The following KSR1 variants were observed in gnomAD, a reference collection of about 807,000 sequenced individuals.
KSR1 encodes kinase suppressor of ras 1, also known as kinase suppressor of ras.
KSR1 carries 35 observed loss-of-function variants against 92.9 expected under a neutral mutation model. That is an observed-to-expected ratio of 0.38 (90% CI 0.29 to 0.50). KSR1 has a LOEUF of 0.50. Ranked by LOEUF, KSR1 falls within the 20% of genes least tolerant of loss-of-function variation. The pLI is 0.94. For missense variants in KSR1, 972 were observed against 1,158.5 expected (o/e 0.84, Z 2.34); for synonymous variants, 467 against 472.6 (o/e 0.99, Z 0.15).
At chr17:27,581,820 C>T (rs1436513268) in intron 3 of KSR1, among the ~76,000 whole-genome samples, 1 of 152,166 alleles carries the variant, frequency 6.6e-6, no homozygotes, top group Non-Finnish European at 1.5e-5. Flanking sequence ...CACTACAGAG[C>T]CACACAAGCC....
intron 1 of KSR1, among the ~76,000 whole-genome samples, chr17:27,548,538 C>T (rs1598000772): frequency 1.3e-5 from 2 of 150,714 alleles, no homozygotes; most frequent in South Asian, 4.2e-4. Flanking sequence ...AGTGATCTGC[C>T]CACCTTAGCC....
chr17:27,579,878 CAAAAAA>C (rs71160198), intron 3 of KSR1: 11 of 29,614 alleles, frequency 3.7e-4, no homozygotes, highest in East Asian at 3.0e-3. Context: ...GCTGTCTCAC[CAAAAAA>C]AAAAAAAAAA....
chr17:27,519,952 G>A (rs1000532452), intron 1 of KSR1, among the ~76,000 whole-genome samples: 1 of 152,206 alleles, frequency 6.6e-6, no homozygotes, highest in African/African-American at 2.4e-5. Flanking sequence ...ACTGAACCTG[G>A]CAGGGCTGCT....
At chr17:27,515,195 A>G (rs1363791548) in intron 1 of KSR1, among the ~76,000 whole-genome samples, 1 of 152,208 alleles carries the variant, frequency 6.6e-6, no homozygotes, top group Non-Finnish European at 1.5e-5. Flanking sequence ...TAAGCACTAA[A>G]ATGTATTTTA....
intron 2 of KSR1, among the ~76,000 whole-genome samples, chr17:27,564,093 AT>A (rs1211006620): frequency 7.1e-6 from 1 of 140,978 alleles, no homozygotes; most frequent in African/African-American, 2.7e-5. Context: ...GGTTCAAGCT[AT>A]TCTCCTGTCT....
At chr17:27,579,878 C>CTAAAA (rs1555598266) in intron 3 of KSR1, 1 of 29,614 alleles carries the variant, frequency 3.4e-5, no homozygotes. Flanking sequence ...GCTGTCTCAC[C>CTAAAA]AAAAAAAAAA....
chr17:27,488,751 G>A (rs929166955), intron 1 of KSR1, among the ~76,000 whole-genome samples: 1 of 152,156 alleles, frequency 6.6e-6, no homozygotes, highest in Non-Finnish European at 1.5e-5. Flanking sequence ...GGATCATGAG[G>A]TCAAGAGATC....
chr17:27,501,292 C>CTTTTTTTTTTTTTTTTT, intron 1 of KSR1, among the ~76,000 whole-genome samples: 20 of 49,708 alleles, frequency 4.0e-4, no homozygotes, highest in Non-Finnish European at 5.0e-4. Context: ...TTCTTTTCTT[C>CTTTTTTTTTTTTTTTTT]TTTTTTTTTT....
At chr17:27,481,840 C>G (rs1356889881) in intron 1 of KSR1, among the ~76,000 whole-genome samples, 3 of 152,182 alleles carry the variant, frequency 2.0e-5, no homozygotes, top group Non-Finnish European at 4.4e-5. Flanking sequence ...TCCTGAGTCT[C>G]CACTGTCCAT....
intron 1 of KSR1, among the ~76,000 whole-genome samples, chr17:27,517,842 G>A (rs1392734528): frequency 6.6e-6 from 1 of 152,198 alleles, no homozygotes; most frequent in Non-Finnish European, 1.5e-5. Context: ...TTATGTAATT[G>A]TGGGGGTTGT....
At chr17:27,557,165 G>C (rs1003578181) in intron 2 of KSR1, among the ~76,000 whole-genome samples, 2 of 152,302 alleles carry the variant, frequency 1.3e-5, no homozygotes, top group East Asian at 3.9e-4. Flanking sequence ...GGGGCAGCTG[G>C]TCTGGTTTGG....
intron 1 of KSR1, among the ~76,000 whole-genome samples, chr17:27,505,713 C>G (rs2069355100): frequency 6.6e-6 from 1 of 152,224 alleles, no homozygotes; most frequent in South Asian, 2.1e-4. Context: ...AATGCTTATA[C>G]CAGTGCTGGC....
chr17:27,497,125 C>A (rs1327757814), intron 1 of KSR1, among the ~76,000 whole-genome samples: 1 of 152,208 alleles, frequency 6.6e-6, no homozygotes, highest in Non-Finnish European at 1.5e-5. Flanking sequence ...TGGTCTTCAG[C>A]TCTTTCATTT....
intron 1 of KSR1, among the ~76,000 whole-genome samples, chr17:27,479,320 C>T (rs1276809717): frequency 6.6e-6 from 1 of 152,014 alleles, no homozygotes; most frequent in Admixed American, 6.6e-5. Context: ...TCCCTTCATC[C>T]GTGCTCCTCC....
Position 27,608,598 on chromosome 17 carries a change from A to G in KSR1, c.2091+588A>G, listed in dbSNP as rs1003749554. ...TTGATAGGTGAGGAAACCAGTCTTC[A>G]GAGAAGTTGAGCACTGTGTCCAAGG... is the stretch of plus-strand genomic sequence containing the variant. On this transcript the variant is annotated intron_variant, in intron 15 of 20. Coordinates refer to ENST00000644974, the MANE Select transcript of KSR1 (RefSeq NM_001394583.1). 4.6e-5 allele frequency among the ~76,000 whole-genome samples: 7 copies of G among 151,280 alleles called. No individual in the cohort carries two copies. In the Admixed American group the frequency reaches 4.7e-4, roughly 10 times the overall value.
chr17:27,559,767 C>G lies in KSR1; in HGVS notation c.372+9059C>G, dbSNP rs1028024667. ...TCCGGGAAGGCAAGAGCACACCAGG[C>G]GGAGGGAAGAATATCTGCAGAGACC... On this transcript the variant is annotated intron_variant, in intron 2 of 20. Coordinates refer to ENST00000644974, the MANE Select transcript of KSR1 (RefSeq NM_001394583.1). This position sits in a 1 kb window ranked among gnomAD's most constrained non-coding sequence, Gnocchi z 4.2. Among the ~76,000 whole-genome samples, 3 of 152,122 alleles carry G rather than the reference C, an allele frequency of 2.0e-5. No individual in the cohort carries two copies. The highest frequency in any genetic ancestry group is 7.2e-5 in the African/African-American group (3 of 41,402).
intron 1 of KSR1, among the ~76,000 whole-genome samples, chr17:27,501,548 A>T (rs1015128414): frequency 1.3e-5 from 2 of 152,172 alleles, no homozygotes; most frequent in African/African-American, 4.8e-5. Context: ...GGGCAAGCCC[A>T]GGACCCTGCT....
At chr17:27,479,707 T>A (rs2068456061) in intron 1 of KSR1, among the ~76,000 whole-genome samples, 1 of 151,984 alleles carries the variant, frequency 6.6e-6, no homozygotes, top group African/African-American at 2.4e-5. Context: ...TAGGTTCTGG[T>A]TGGAAGGAGG....
chr17:27,617,354 G>A lies in KSR1; in HGVS notation c.2553G>A (p.Leu851=). 6.2e-7 allele frequency: 1 copy of A among 1,612,958 alleles called. No individual in the cohort carries two copies. The highest frequency in any genetic ancestry group is 8.5e-7 in the Non-Finnish European group (1 of 1,179,418). Residue 851 remains leucine, a synonymous_variant, in exon 19 of 21, where the codon CTG becomes CTA. Coordinates refer to ENST00000644974, the MANE Select transcript of KSR1 (RefSeq NM_001394583.1). ...DLQERPSFSL[L]MDMLEKLPKL... ...AGGAGAGACCCAGCTTCAGCCTGCT[G>A]ATGGACATGCTGGAGAAACTTCCCA...
Sources: gnomAD v4.1 joint callset for allele counts (sites outside exome capture counted in the v4.1 genomes callset) on GRCh38, gnomAD v4.1.1 for gene constraint, Gnocchi (gnomAD v3.1) non-coding constraint, MANE v1.5 for transcripts, NCBI Gene and HGNC (gene_info 2026-07-23, HGNC 2026-07-21) for gene names.